SORCS3: variants seen among roughly 807,000 people sequenced by gnomAD.
SORCS3 encodes VPS10 domain-containing receptor SorCS3.
SORCS3 carries 57 observed loss-of-function variants against 146.3 expected under a neutral mutation model. That is an observed-to-expected ratio of 0.39 (90% CI 0.31 to 0.49). The LOEUF is 0.49. Ranked by LOEUF, SORCS3 falls within the 20% of genes least tolerant of loss-of-function variation. The pLI, the probability that SORCS3 is intolerant of heterozygous loss-of-function variation, is 0.92. For missense variants in SORCS3, 1,341 were observed against 1,575.5 expected, an observed-to-expected ratio of 0.85 and a Z score of 2.52; for synonymous variants, 653 against 618.5, an observed-to-expected ratio of 1.06 and a Z score of -0.83.
intron 4 of SORCS3, among the ~76,000 whole-genome samples, chr10:104,989,541 G>A (rs2054982056): frequency 6.6e-6 from 1 of 152,124 alleles, no homozygotes; most frequent in African/African-American, 2.4e-5. Flanking sequence ...TTTTAATCAA[G>A]GGAGGAAGTA....
chr10:104,947,102 C>T (rs539241434), intron 3 of SORCS3, among the ~76,000 whole-genome samples: 16 of 152,188 alleles, frequency 1.1e-4, no homozygotes, highest in South Asian at 2.1e-4. Flanking sequence ...AAATCCGCAC[C>T]GATATGTGGC....
At chr10:104,887,122 G>A (rs970610559) in intron 2 of SORCS3, among the ~76,000 whole-genome samples, 2 of 152,198 alleles carry the variant, frequency 1.3e-5, no homozygotes, top group African/African-American at 4.8e-5. Context: ...AGATTCACAT[G>A]CAGTGATTAT....
chr10:105,024,646 C>T (rs182002199), intron 4 of SORCS3, among the ~76,000 whole-genome samples: 2 of 152,308 alleles, frequency 1.3e-5, no homozygotes, highest in African/African-American at 2.4e-5. Context: ...CCAACAGCCC[C>T]AATCCCCATT....
chr10:104,643,738 G>GTGTGTGTGTGTGTGTGTGTT (rs1237706167), intron 1 of SORCS3, among the ~76,000 whole-genome samples: 6 of 151,774 alleles, frequency 4.0e-5, no homozygotes, highest in African/African-American at 1.5e-4. Context: ...GTGTGTGTGT[G>GTGTGTGTGTGTGTGTGTGTT]TGTGTGTTGG....
intron 22 of SORCS3, among the ~76,000 whole-genome samples, chr10:105,251,888 C>T (rs1485726395): frequency 6.6e-6 from 1 of 151,886 alleles, no homozygotes; most frequent in African/African-American, 2.4e-5. Context: ...TTTTTTTCTT[C>T]TATATATTTG....
chr10:105,113,971 T>C (rs2055876173), intron 7 of SORCS3, among the ~76,000 whole-genome samples: 1 of 152,162 alleles, frequency 6.6e-6, no homozygotes, highest in Non-Finnish European at 1.5e-5. Context: ...GCCAAGCTGG[T>C]TGAAAATCCT....
chr10:105,033,757 C>T (rs1379922892), intron 4 of SORCS3, among the ~76,000 whole-genome samples: 5 of 152,108 alleles, frequency 3.3e-5, no homozygotes, highest in Non-Finnish European at 7.4e-5. Context: ...TCACCGACTT[C>T]CTATGGTTTT....
In SORCS3 at chr10:105,174,043, C is replaced by A. The variant is rs115927765; in HGVS notation, c.1902-4023C>A. Among the ~76,000 whole-genome samples the A allele has an allele frequency of 8.0e-3, 1,225 of 152,304 alleles. 21 individuals carry two copies. Among genetic ancestry groups the A allele is most frequent in the African/African-American group, 0.028 (1,168 of 41,546 alleles). ...TTTATTTCCAAATTGTTCATCTCCT[C>A]ACACTAGAAAGTAAGTTCCGTGGAA... is the stretch of plus-strand genomic sequence containing the variant. On this transcript the variant is annotated intron_variant, in intron 13 of 26. Transcript: ENST00000369701.
chr10:104,753,475 C>T (rs1364839333), intron 1 of SORCS3, among the ~76,000 whole-genome samples: 14 of 152,252 alleles, frequency 9.2e-5, no homozygotes, highest in South Asian at 6.2e-4. Flanking sequence ...CTGAAAGATG[C>T]ACTGAATATA....
intron 2 of SORCS3, among the ~76,000 whole-genome samples, chr10:104,850,528 T>C (rs754353136): frequency 3.9e-5 from 6 of 152,156 alleles, no homozygotes; most frequent in Non-Finnish European, 8.8e-5. Context: ...GAGGCTACAG[T>C]GAGCTGAGAT....
At chr10:104,848,045 A>G (rs2018227769) in intron 2 of SORCS3, among the ~76,000 whole-genome samples, 1 of 152,126 alleles carries the variant, frequency 6.6e-6, no homozygotes, top group Non-Finnish European at 1.5e-5. Context: ...TGAACTTCTC[A>G]AGGGCAGGGA....
chr10:105,143,435 C>A (rs2056109101), intron 8 of SORCS3, among the ~76,000 whole-genome samples: 1 of 152,178 alleles, frequency 6.6e-6, no homozygotes, highest in South Asian at 2.1e-4. Flanking sequence ...ACATATCCAA[C>A]TGCCTATTTG....
chr10:104,740,550 G>A lies in SORCS3; in HGVS notation c.627+98596G>A, dbSNP rs190943378. ...CACATATTAAATTGTTGCTTTCTTA[G>A]TGTCTATCTTCCAGATAACCTCCAT... On this transcript the variant is annotated intron_variant, in intron 1 of 26. Coordinates refer to ENST00000369701, the MANE Select transcript of SORCS3 (RefSeq NM_014978.3). Among the ~76,000 whole-genome samples the A allele has an allele frequency of 3.8e-3, 575 of 152,208 alleles. 4 individuals carry two copies. Among genetic ancestry groups the A allele is most frequent in the Middle Eastern group, 0.01 (3 of 294 alleles).
At chr10:105,189,153 T>A (rs2056497622) in intron 14 of SORCS3, among the ~76,000 whole-genome samples, 1 of 152,182 alleles carries the variant, frequency 6.6e-6, no homozygotes, top group Non-Finnish European at 1.5e-5. Context: ...GGTTCTTTAT[T>A]TGTAAATTGA....
intron 1 of SORCS3, among the ~76,000 whole-genome samples, chr10:104,676,236 C>T (rs1397617734): frequency 1.3e-5 from 2 of 152,018 alleles, no homozygotes; most frequent in African/African-American, 4.8e-5. Flanking sequence ...ATGACCTACC[C>T]ACAGTGTTGA....
chr10:105,029,385 A>G (rs559061585), intron 4 of SORCS3, among the ~76,000 whole-genome samples: 1 of 152,358 alleles, frequency 6.6e-6, no homozygotes, highest in South Asian at 2.1e-4. Context: ...GGAATTGGCC[A>G]GTCTCAGTAA....
At chr10:104,854,597 TGTGTGGGG>T (rs2018309609) in intron 2 of SORCS3, among the ~76,000 whole-genome samples, 1 of 152,138 alleles carries the variant, frequency 6.6e-6, no homozygotes, top group East Asian at 1.9e-4. Flanking sequence ...TGTGTGAGTT[TGTGTGGGG>T]GTGTGGGGAA....
intron 4 of SORCS3, among the ~76,000 whole-genome samples, chr10:105,015,252 C>T (rs1471365411): frequency 6.6e-6 from 1 of 152,128 alleles, no homozygotes; most frequent in African/African-American, 2.4e-5. Flanking sequence ...GTAAATTCTG[C>T]AATTGAACAA....
At chr10:104,735,477 T>A (rs960415316) in intron 1 of SORCS3, among the ~76,000 whole-genome samples, 4 of 141,980 alleles carry the variant, frequency 2.8e-5, no homozygotes, top group Non-Finnish European at 4.6e-5. Context: ...TTTTTTTTTT[T>A]AATCAATCCC....
Sources: allele counts gnomAD v4.1 joint callset (sites outside exome capture counted in the v4.1 genomes callset), GRCh38; gene constraint gnomAD v4.1.1; transcripts MANE v1.5; gene names NCBI Gene and HGNC (gene_info 2026-07-23, HGNC 2026-07-21).